The following SGCD variants were observed in gnomAD, a reference collection of about 807,000 sequenced individuals.
The protein encoded by SGCD is sarcoglycan delta, also known as delta-sarcoglycan.
Under a neutral mutation model 36.6 loss-of-function variants are expected in SGCD, and 18 were observed. The observed-to-expected ratio is 0.49, with a 90% confidence interval of 0.34 to 0.73. The LOEUF (loss-of-function observed/expected upper bound fraction) is 0.73. Among genes scored for constraint, SGCD ranks in the 30% least tolerant of loss-of-function variants. The probability of loss-of-function intolerance (pLI) is 0.01; values close to 1 mark genes in which losing one functional copy is unlikely to be tolerated. For missense variants in SGCD, 387 were observed against 346.7 expected, an observed-to-expected ratio of 1.12 and a Z score of -0.92; for synonymous variants, 133 against 130.6, an observed-to-expected ratio of 1.02 and a Z score of -0.12.
intron 7 of SGCD, among the ~76,000 whole-genome samples, chr5:156,654,066 A>T (rs1763578905): frequency 6.6e-6 from 1 of 152,110 alleles, no homozygotes; most frequent in South Asian, 2.1e-4. Context: ...GATTCACTAA[A>T]AATCAACTGA....
chr5:156,498,272 A>AAAC (rs1756289635), intron 3 of SGCD, among the ~76,000 whole-genome samples: 1 of 151,952 alleles, frequency 6.6e-6, no homozygotes, highest in Non-Finnish European at 1.5e-5. Context: ...CAAAAAAAAA[A>AAAC]AAAAAACACC....
intron 3 of SGCD, among the ~76,000 whole-genome samples, chr5:156,296,389 T>C (rs1184885377): frequency 1.3e-5 from 2 of 152,248 alleles, no homozygotes; most frequent in African/African-American, 4.8e-5. Flanking sequence ...TGAGGCACCA[T>C]AAATTGTAGG....
chr5:156,749,089 TA>T (rs1757054817), intron 7 of SGCD, among the ~76,000 whole-genome samples: 1 of 152,096 alleles, frequency 6.6e-6, no homozygotes. Context: ...ACTGATGTTA[TA>T]CAGAAAATGT....
At chr5:156,364,129 A>G (rs1489062047) in intron 3 of SGCD, among the ~76,000 whole-genome samples, 2 of 152,160 alleles carry the variant, frequency 1.3e-5, no homozygotes, top group African/African-American at 4.8e-5. Context: ...GCAGTCACAG[A>G]TCTATCTCTC....
chr5:155,856,468 C>A, the SGCD span, among the ~76,000 whole-genome samples: 1,489 of 152,228 alleles, frequency 9.8e-3, 29 homozygotes, highest in African/African-American at 0.034. Context: ...TTAAAAGTAA[C>A]CTCTAAGTAC....
intron 1 of SGCD, among the ~76,000 whole-genome samples, chr5:156,116,785 G>C (rs900713314): frequency 3.9e-5 from 6 of 152,106 alleles, no homozygotes; most frequent in African/African-American, 1.4e-4. Context: ...TAGTTTATTG[G>C]AAAGATTTCA....
intron 7 of SGCD, among the ~76,000 whole-genome samples, chr5:156,686,618 C>G (rs1753914753): frequency 6.6e-6 from 1 of 152,168 alleles, no homozygotes; most frequent in Non-Finnish European, 1.5e-5. Flanking sequence ...AAAGCTTACT[C>G]AGATGCTGAC....
At chr5:156,073,779 A>G (rs1221734430) in intron 1 of SGCD, among the ~76,000 whole-genome samples, 2 of 152,188 alleles carry the variant, frequency 1.3e-5, no homozygotes, top group East Asian at 1.9e-4. Context: ...AAAGCAGTCA[A>G]TTTCACCTGT....
At chr5:156,635,048 C>A (rs531474097) in intron 6 of SGCD, among the ~76,000 whole-genome samples, 1 of 151,348 alleles carries the variant, frequency 6.6e-6, no homozygotes, top group Non-Finnish European at 1.5e-5. Context: ...CATGGTAAAA[C>A]CCTCTCTCTA....
chr5:156,418,295 A>G (rs1033761248), intron 3 of SGCD, among the ~76,000 whole-genome samples: 3 of 152,194 alleles, frequency 2.0e-5, no homozygotes, highest in African/African-American at 7.2e-5. Context: ...TTGGTTGCAG[A>G]TAACATAAAT....
At chr5:156,732,454 A>G (rs1036329854) in intron 7 of SGCD, among the ~76,000 whole-genome samples, 2 of 151,894 alleles carry the variant, frequency 1.3e-5, no homozygotes, top group Non-Finnish European at 2.9e-5. Context: ...AAGCCTACTT[A>G]TTTGTGGTGG....
chr5:155,927,248 A>G (rs145740235), intron 1 of SGCD, among the ~76,000 whole-genome samples: 236 of 152,354 alleles, frequency 1.5e-3, no homozygotes, highest in African/African-American at 4.3e-3. Flanking sequence ...TAATTATTCA[A>G]TAAGTTTTAG....
At chr5:155,922,222 A>G (rs1226203237) in intron 1 of SGCD, among the ~76,000 whole-genome samples, 1 of 152,160 alleles carries the variant, frequency 6.6e-6, no homozygotes, top group Non-Finnish European at 1.5e-5. Flanking sequence ...TTTACAAGAC[A>G]AGGTCTTTGA....
In SGCD at chr5:156,711,418, A is replaced by G. The variant is rs572148166; in HGVS notation, c.576-46163A>G. Among the ~76,000 whole-genome samples, 3 of 151,794 alleles carry G rather than the reference A, an allele frequency of 2.0e-5. No individual in the cohort carries two copies. The East Asian group carries it at 5.8e-4, about 29-fold the overall frequency. On this transcript the variant is annotated intron_variant, in intron 7 of 8. Coordinates refer to ENST00000337851, the MANE Select transcript of SGCD (RefSeq NM_000337.6). The stretch of plus-strand genomic sequence containing the variant: ...TCAATATATTCCTTAGAGAGCAAGC[A>G]CAGATAAGAAGGAAAGTGAAGATGG...
chr5:155,817,052 CTT>C, the SGCD span, among the ~76,000 whole-genome samples: 3 of 152,110 alleles, frequency 2.0e-5, no homozygotes, highest in Non-Finnish European at 4.4e-5. Context: ...TTTTGCATCT[CTT>C]ATTTAACTGT....
At chr5:156,398,409 A>G (rs771840569) in intron 3 of SGCD, among the ~76,000 whole-genome samples, 23 of 152,220 alleles carry the variant, frequency 1.5e-4, no homozygotes, top group Non-Finnish European at 2.8e-4. Context: ...ATTGAATGAA[A>G]TGATCTATTA....
At chr5:156,270,120 A>G (rs1766135245) in intron 3 of SGCD, among the ~76,000 whole-genome samples, 1 of 152,170 alleles carries the variant, frequency 6.6e-6, no homozygotes, top group African/African-American at 2.4e-5. Flanking sequence ...AGCACTGTTT[A>G]GGGGGTCCTT....
chr5:155,728,610 G>A, the SGCD span, among the ~76,000 whole-genome samples: 2 of 152,174 alleles, frequency 1.3e-5, no homozygotes, highest in Non-Finnish European at 2.9e-5. Context: ...GCGGCGGCCG[G>A]CGGAGGCTTT....
chr5:156,188,504 T>G (rs1417388255), intron 3 of SGCD, among the ~76,000 whole-genome samples: 1 of 152,132 alleles, frequency 6.6e-6, no homozygotes, highest in Non-Finnish European at 1.5e-5. Flanking sequence ...ACCTGGAGTT[T>G]CCTGTGTTGC....
Sources: allele counts gnomAD v4.1 joint callset (sites outside exome capture counted in the v4.1 genomes callset), GRCh38; gene constraint gnomAD v4.1.1; transcripts MANE v1.5; gene names NCBI Gene and HGNC (gene_info 2026-07-23, HGNC 2026-07-21).